Variants in SIRPB1 observed in about 807,000 individuals in gnomAD.
SIRPB1 encodes signal-regulatory protein beta-1.
In SIRPB1, 28 loss-of-function variants were observed where a neutral mutation model predicts 34.1. That is an observed-to-expected ratio of 0.82 (90% CI 0.61 to 1.12). The LOEUF (loss-of-function observed/expected upper bound fraction) is 1.12, where lower values mean the gene tolerates loss of function less well. Ranked by LOEUF, SIRPB1 falls within the 50% of genes most tolerant of loss-of-function variation. The pLI is 0.00. For missense variants in SIRPB1, 499 were observed against 507.0 expected (o/e 0.98, Z 0.15); for synonymous variants, 211 against 203.8 (o/e 1.04, Z -0.30).
In SIRPB1 at chr20:1,566,214, T is replaced by C; in HGVS notation, c.1138A>G (p.Lys380Glu). The C allele has an allele frequency of 6.2e-7, 1 of 1,612,424 alleles. No individual in the cohort carries two copies. Among genetic ancestry groups the C allele is most frequent in the Non-Finnish European group, 8.5e-7 (1 of 1,179,374 alleles). ...GAGACACCAACCACCAGTAGCAGCT[T>C]GGGGCCCAGGAGGAGAGCTACGAGG... ...PLLVALLLGP[K>E]LLLVVGVSAI... Residue 380 changes from lysine to glutamate, a missense_variant, in exon 5 of 6, where the codon AAG (lysine) becomes GAG (glutamate). Transcript: ENST00000381605.
At position 1,568,026 on chromosome 20, in the gene SIRPB1, T is replaced by C. The variant is rs147576804; in HGVS notation, c.1085-1759A>G. ...CTGCTATGCTGGGATAGGGCCCTGATGGGGAAGTTGTGGGACCCTGAAATG... is the reference window on the plus strand; with the variant it reads ...CTGCTATGCTGGGATAGGGCCCTGACGGGGAAGTTGTGGGACCCTGAAATG... On this transcript the variant is annotated intron_variant, in intron 4 of 5. Transcript: ENST00000381605. Among the ~76,000 whole-genome samples, 985 of 152,254 alleles carry C rather than the reference T, an allele frequency of 6.5e-3. 9 individuals carry two copies. The highest frequency in any genetic ancestry group is 0.023 in the African/African-American group (946 of 41,540).
intron 1 of SIRPB1, among the ~76,000 whole-genome samples, chr20:1,580,414 G>C (rs1475129881): frequency 7.1e-6 from 1 of 141,046 alleles, no homozygotes; most frequent in African/African-American, 2.6e-5. Context: ...AAAATGCTGA[G>C]AGGTAAAGGA....
chr20:1,613,491 C>T (rs889038946), intron 1 of SIRPB1, among the ~76,000 whole-genome samples: 4 of 143,658 alleles, frequency 2.8e-5, no homozygotes, highest in Non-Finnish European at 6.0e-5. Flanking sequence ...GGACCAAGAA[C>T]TAAAGGAATA....
chr20:1,619,806 G>T (rs2091681896), intron 1 of SIRPB1, 63 bp downstream of exon 1: 14 of 1,223,638 alleles, frequency 1.1e-5, no homozygotes, highest in Non-Finnish European at 1.5e-5. Flanking sequence ...ATCCCTGAAA[G>T]TCCAGGGACA....
chr20:1,569,684 A>G (rs1396096308), intron 4 of SIRPB1, among the ~76,000 whole-genome samples: 2 of 152,226 alleles, frequency 1.3e-5, no homozygotes, highest in Non-Finnish European at 2.9e-5. Flanking sequence ...CTGGAGCCTC[A>G]GGGCAGAAAG....
chr20:1,619,808 C>T (rs1157523529), intron 1 of SIRPB1, 61 bp downstream of exon 1: 1 of 1,241,940 alleles, frequency 8.1e-7, no homozygotes, highest in Non-Finnish European at 1.2e-6. Flanking sequence ...CCCTGAAAGT[C>T]CAGGGACAGG....
intron 4 of SIRPB1, among the ~76,000 whole-genome samples, chr20:1,568,808 GA>G (rs1366995534): frequency 6.6e-6 from 1 of 150,452 alleles, no homozygotes; most frequent in Non-Finnish European, 1.5e-5. Flanking sequence ...CAGGAGATAG[GA>G]ATTAATTTAA....
chr20:1,618,272 C>T (rs2091659654), intron 1 of SIRPB1, among the ~76,000 whole-genome samples: 1 of 152,168 alleles, frequency 6.6e-6, no homozygotes, highest in African/African-American at 2.4e-5. Flanking sequence ...ATAATTAATT[C>T]TATGTTTACT....
intron 1 of SIRPB1, among the ~76,000 whole-genome samples, chr20:1,618,440 A>C (rs972590672): frequency 2.0e-5 from 3 of 152,182 alleles, no homozygotes; most frequent in Non-Finnish European, 4.4e-5. Context: ...CTTTGTTTGG[A>C]AATAGGGGAT....
chr20:1,570,874 C>T lies in SIRPB1; in HGVS notation c.1015G>A (p.Ala339Thr), dbSNP rs761180179. 1.9e-6 allele frequency: 3 copies of T among 1,614,220 alleles called. No homozygotes were observed. The highest frequency in any genetic ancestry group is 2.5e-6 in the Non-Finnish European group (3 of 1,180,028). The change falls in exon 4 of 6, where the codon GCA becomes ACA. Residue 339 changes from alanine (A) to threonine (T), a missense_variant. Physicochemically the swap from Ala to Thr is moderately conservative, Grantham distance 58. Coordinates refer to ENST00000381605, the MANE Select transcript of SIRPB1 (RefSeq NM_006065.5). ...TCCAGGGCATAGCTTTTGCTGACTG[C>T]TTGCTGCCCATCATGCTCCACCTGA... is the stretch of plus-strand genomic sequence containing the variant. ...TCQVEHDGQQ[A>T]VSKSYALEIS... is the part of the protein sequence containing the mutation.
chr20:1,609,167 G>A lies in SIRPB1; in HGVS notation c.76+10702C>T. On this transcript the variant is annotated intron_variant, in intron 1 of 5. Coordinates refer to ENST00000381605, the MANE Select transcript of SIRPB1 (RefSeq NM_006065.5). ...CTTCACTAGGAGTGAGCAGATCTGA[G>A]TCACACCTGAGCCACCACTGGCTGT... Among the ~76,000 whole-genome samples, 2 of 69,946 alleles carry A rather than the reference G, an allele frequency of 2.9e-5. 1 individual carries two copies. The allele number at this position is 69,946 out of a possible 152,430, so 45.9% of individuals were successfully genotyped here.
chr20:1,615,378 A>T (rs907180248), intron 1 of SIRPB1, among the ~76,000 whole-genome samples: 1 of 152,206 alleles, frequency 6.6e-6, no homozygotes, highest in Admixed American at 6.5e-5. Flanking sequence ...CTTAGAGTCC[A>T]GATCTGGGGA....
In SIRPB1 at chr20:1,593,730, G is replaced by A. The variant is rs2091449502; in HGVS notation, c.77-15036C>T. Among the ~76,000 whole-genome samples the A allele has an allele frequency of 4.1e-5, 2 of 48,340 alleles. 1 individual carries two copies. Among genetic ancestry groups the A allele is most frequent in the Admixed American group, 2.8e-4 (2 of 7,198 alleles). 31.7% of individuals were successfully genotyped at this position (48,340 alleles called of 152,430 possible). On this transcript the variant is annotated intron_variant, in intron 1 of 5. Coordinates refer to ENST00000381605, the MANE Select transcript of SIRPB1 (RefSeq NM_006065.5). ...ATTTGTATAAGAGTCTACTGTTTAC[G>A]AAGGAAAAAGGAAAAAAAACCCAGA...
In SIRPB1 at chr20:1,578,678, G is replaced by A. The variant is rs73893765; in HGVS notation, c.93C>T (p.Asp31=). Reference sequence around the variant, plus strand: ...TTTCAGGCTGAATCACCTGTAGCTCGTCCTCACCTGCCACTCCTGGAAAGG... The same window carrying A: ...TTTCAGGCTGAATCACCTGTAGCTCATCCTCACCTGCCACTCCTGGAAAGG... ...LGRLTGVAGE[D]ELQVIQPEKS... Residue 31 remains aspartate (D), a synonymous_variant, in exon 2 of 6, where the codon GAC becomes GAT. Coordinates refer to ENST00000381605, the MANE Select transcript of SIRPB1 (RefSeq NM_006065.5). 1.0e-3 allele frequency: 1,637 copies of A among 1,576,998 alleles called. 111 individuals carry two copies. In the African/African-American group the frequency reaches 0.02, roughly 19 times the overall value.
At position 1,580,219 on chromosome 20, in the gene SIRPB1, C is replaced by T. The variant is rs537561902; in HGVS notation, c.77-1525G>A. The stretch of plus-strand genomic sequence containing the variant: ...TCCAAATTCTAGAGGTTTCTCCCAT[C>T]CCTTTCTCACAGTTACATCTTCCCA... On this transcript the variant is annotated intron_variant, in intron 1 of 5. Transcript: ENST00000381605. 6.8e-3 allele frequency among the ~76,000 whole-genome samples: 998 copies of T among 147,624 alleles called. 20 individuals are homozygous for T. The highest frequency in any genetic ancestry group is 0.024 in the African/African-American group (949 of 40,272).
rs893373332 is a variant in SIRPB1 at position 1,563,220 on chromosome 20, A to G, written c.*2280T>C. 2.0e-5 allele frequency among the ~76,000 whole-genome samples: 3 copies of G among 152,218 alleles called. No homozygotes were observed. The highest frequency in any genetic ancestry group is 4.8e-5 in the African/African-American group (2 of 41,464). ...TAGAAATGATGCTTGCTGGCTAGGC[A>G]TGGTGGCTCATGCCTGTAATCCCAG... On this transcript the variant is annotated 3_prime_UTR_variant, in exon 6 of 6. Coordinates refer to ENST00000381605, the MANE Select transcript of SIRPB1 (RefSeq NM_006065.5).
At position 1,582,068 on chromosome 20, in the gene SIRPB1, A is replaced by G. The variant is rs1009022865; in HGVS notation, c.77-3374T>C. On this transcript the variant is annotated intron_variant, in intron 1 of 5. Transcript: ENST00000381605. ...CTGTGGCAACATATTCTTCATTTACAAATTTTACTTACAAATTAAAATCAA... is the reference window on the plus strand; with the variant it reads ...CTGTGGCAACATATTCTTCATTTACGAATTTTACTTACAAATTAAAATCAA... Among the ~76,000 whole-genome samples the G allele has an allele frequency of 4.1e-5, 2 of 49,202 alleles. 1 individual carries two copies. Among genetic ancestry groups the G allele is most frequent in the Non-Finnish European group, 7.9e-5 (2 of 25,446 alleles). 32.3% of individuals were successfully genotyped at this position (49,202 alleles called of 152,430 possible). A position where few individuals can be genotyped will look rare whatever the true frequency, so the allele number is the denominator to read the frequency against.
rs572529769 is a variant in SIRPB1, at chr20:1,578,383, C to T, written c.388G>A (p.Asp130Asn). The T allele has an allele frequency of 6.7e-6, 9 of 1,335,102 alleles. No individual in the cohort carries two copies. The highest frequency in any genetic ancestry group is 3.6e-5 in the Admixed American group (2 of 55,634). The allele number at this position is 1,335,102 out of a possible 1,614,324, so 82.7% of individuals were successfully genotyped here. A position where few individuals can be genotyped will look rare whatever the true frequency, so the allele number is the denominator to read the frequency against. The stretch of plus-strand genomic sequence containing the variant: ...CCTGCTCCAGACTTAAACTCCACGT[C>T]GTCAGGGCTCCCTTTCCGGAACTTC... The part of the protein sequence containing the change: ...CVKFRKGSPD[D>N]VEFKSGAGTE... The change falls in exon 2 of 6, where the codon GAC becomes AAC. Residue 130 changes from aspartate to asparagine, a missense_variant. Coordinates refer to ENST00000381605, the MANE Select transcript of SIRPB1 (RefSeq NM_006065.5).
rs2091428927 is a variant in SIRPB1, at chr20:1,587,679, G to A, written c.77-8985C>T. The stretch of plus-strand genomic sequence containing the variant: ...GACAGAGTTTTTAAGAAGCAATTCA[G>A]TTAAATGAGTTCATTGGGGTGGGCC... On this transcript the variant is annotated intron_variant, in intron 1 of 5. Coordinates refer to ENST00000381605, the MANE Select transcript of SIRPB1 (RefSeq NM_006065.5). 4.0e-5 allele frequency among the ~76,000 whole-genome samples: 2 copies of A among 49,460 alleles called. 1 individual carries two copies. Among genetic ancestry groups the A allele is most frequent in the Non-Finnish European group, 7.8e-5 (2 of 25,538 alleles). 32.4% of individuals were successfully genotyped at this position (49,460 alleles called of 152,430 possible). A position where few individuals can be genotyped will look rare whatever the true frequency, so the allele number is the denominator to read the frequency against.
Sources: gnomAD v4.1 joint callset for allele counts (sites outside exome capture counted in the v4.1 genomes callset) on GRCh38, gnomAD v4.1.1 for gene constraint, MANE v1.5 for transcripts, NCBI Gene and HGNC (gene_info 2026-07-23, HGNC 2026-07-21) for gene names.